The following MCPH1 variants were observed in gnomAD, a reference collection of about 807,000 sequenced individuals.
MCPH1 encodes microcephalin.
In MCPH1, 104 loss-of-function variants were observed where a neutral mutation model predicts 84.5. The observed-to-expected ratio is 1.23, with a 90% CI of 1.05 to 1.45. The LOEUF is 1.45. Among genes scored for constraint, MCPH1 ranks in the 40% most tolerant of loss-of-function variants. The probability of loss-of-function intolerance (pLI) is 0.00; values close to 1 mark genes in which losing one functional copy is unlikely to be tolerated. For missense variants in MCPH1, 1,498 were observed against 1,005.7 expected, an observed-to-expected ratio of 1.49 and a Z score of -6.62; for synonymous variants, 514 against 366.8, an observed-to-expected ratio of 1.40 and a Z score of -4.58.
chr8:6,624,760 C>G lies in MCPH1; in HGVS notation c.2452+3069C>G, dbSNP rs369065605. The G allele has an allele frequency of 9.4e-6, 9 of 953,944 alleles. No individual in the cohort carries two copies. The South Asian group carries it at 3.4e-4, about 36-fold the overall frequency. 59.1% of individuals were successfully genotyped at this position (953,944 alleles called of 1,614,324 possible). On this transcript the variant is annotated intron_variant, in intron 13 of 13. Transcript: ENST00000344683. ...TACAAATAAAGGAAGGTTTATTTTT[C>G]TGTCCATACATACACACGTAAACCT...
chr8:6,447,031 G>T (rs1320322391), intron 8 of MCPH1: 1 of 984,978 alleles, frequency 1.0e-6, no homozygotes. Flanking sequence ...GGGCCCGGGT[G>T]CAAGAAAACA....
At chr8:6,477,858 C>T (rs1210853715) in intron 10 of MCPH1, among the ~76,000 whole-genome samples, 2 of 152,204 alleles carry the variant, frequency 1.3e-5, no homozygotes, top group East Asian at 3.8e-4. Context: ...GAGGTGTGTG[C>T]TCGTTTTGGT....
chr8:6,442,849 C>T (rs772390621), intron 7 of MCPH1, among the ~76,000 whole-genome samples: 5 of 152,196 alleles, frequency 3.3e-5, no homozygotes, highest in Non-Finnish European at 5.9e-5. Context: ...AATGACAAAG[C>T]GCAAGATGGC....
At chr8:6,521,054 G>C in intron 12 of MCPH1, 1 of 667,730 alleles carries the variant, frequency 1.5e-6, no homozygotes, top group East Asian at 2.7e-5. Context: ...TTAATTGGTA[G>C]ATATTTCATA....
chr8:6,636,749 C>T (rs899835064), intron 13 of MCPH1, among the ~76,000 whole-genome samples: 1 of 152,190 alleles, frequency 6.6e-6, no homozygotes, highest in Non-Finnish European at 1.5e-5. Flanking sequence ...GTTTTAGACT[C>T]TGGTCCTATC....
chr8:6,482,636 G>T (rs1809383351), intron 11 of MCPH1, among the ~76,000 whole-genome samples: 1 of 152,230 alleles, frequency 6.6e-6, no homozygotes, highest in African/African-American at 2.4e-5. Flanking sequence ...ATAGAGGTCA[G>T]ACGTGAGAAC....
intron 13 of MCPH1, among the ~76,000 whole-genome samples, chr8:6,622,660 G>C (rs575507597): frequency 2.0e-5 from 3 of 152,300 alleles, no homozygotes; most frequent in African/African-American, 7.2e-5. Flanking sequence ...TATCGGCAGC[G>C]TTGGTTTCCC....
chr8:6,456,339 C>T (rs544564937), intron 9 of MCPH1, among the ~76,000 whole-genome samples: 40 of 152,294 alleles, frequency 2.6e-4, no homozygotes, highest in African/African-American at 7.7e-4. Context: ...CTGCTCAGCG[C>T]GCTGCCTCCC....
chr8:6,611,208 G>A (rs980024103), intron 12 of MCPH1, among the ~76,000 whole-genome samples: 3 of 152,020 alleles, frequency 2.0e-5, no homozygotes, highest in African/African-American at 7.3e-5. Context: ...CAATTCTGCA[G>A]TTCACTGCAG....
chr8:6,614,085 A>G (rs937215894), intron 12 of MCPH1, among the ~76,000 whole-genome samples: 3 of 152,136 alleles, frequency 2.0e-5, no homozygotes, highest in Non-Finnish European at 2.9e-5. Flanking sequence ...TGCAGGCCAC[A>G]TTGTCACGTG....
chr8:6,579,911 G>T (rs572784273), intron 12 of MCPH1, among the ~76,000 whole-genome samples: 6 of 152,174 alleles, frequency 3.9e-5, no homozygotes, highest in African/African-American at 9.7e-5. Flanking sequence ...GCCTGGCGAG[G>T]TGTTACTTTG....
At chr8:6,522,982 C>G (rs1368834132) in intron 12 of MCPH1, among the ~76,000 whole-genome samples, 1 of 151,806 alleles carries the variant, frequency 6.6e-6, no homozygotes, top group Admixed American at 6.6e-5. Flanking sequence ...ATATGTGAGC[C>G]AAGCCCTTGA....
Position 6,438,996 on chromosome 8 carries a change from A to C in MCPH1, c.480A>C (p.Leu160Phe). ...TCTTATTTGAATCTAATGGTTCATT[A>C]ATATATACTCCCACAATTGAAATTA... ...PILLFESNGS[L>F]IYTPTIEINS... Residue 160 changes from leucine to phenylalanine, a missense_variant, in exon 6 of 14, where the codon TTA becomes TTC. Leu to Phe is a conservative substitution (Grantham distance 22, BLOSUM62 0). Transcript: ENST00000344683. The C allele has an allele frequency of 6.2e-7, 1 of 1,610,540 alleles. No homozygotes were observed. The highest frequency in any genetic ancestry group is 1.7e-5 in the Admixed American group (1 of 60,016).
chr8:6,628,869 G>A (rs1284493944), intron 13 of MCPH1, among the ~76,000 whole-genome samples: 1 of 152,218 alleles, frequency 6.6e-6, no homozygotes, highest in Non-Finnish European at 1.5e-5. Context: ...CTTACTGACC[G>A]ACTTAATTCA....
intron 12 of MCPH1, among the ~76,000 whole-genome samples, chr8:6,575,345 G>T (rs767242939): frequency 6.6e-6 from 1 of 152,206 alleles, no homozygotes; most frequent in Non-Finnish European, 1.5e-5. Context: ...CAGCAAAGCA[G>T]CTCCATTATG....
At chr8:6,410,680 G>C (rs560991225) in intron 2 of MCPH1, among the ~76,000 whole-genome samples, 3 of 152,164 alleles carry the variant, frequency 2.0e-5, no homozygotes, top group African/African-American at 4.8e-5. Flanking sequence ...GGGAAGCCCA[G>C]CTAGGAGGCA....
At chr8:6,508,945 T>G (rs975259468) in intron 12 of MCPH1, 6 of 1,614,150 alleles carry the variant, frequency 3.7e-6, no homozygotes, top group Non-Finnish European at 5.1e-6. Flanking sequence ...CTGTTAGCAT[T>G]TGTGAACATT....
At chr8:6,412,930 C>T (rs1798742935) in intron 2 of MCPH1, among the ~76,000 whole-genome samples, 1 of 152,184 alleles carries the variant, frequency 6.6e-6, no homozygotes, top group African/African-American at 2.4e-5. Flanking sequence ...CAACGCTTTG[C>T]AGTACATTTC....
chr8:6,531,780 C>G (rs1023300095), intron 12 of MCPH1, among the ~76,000 whole-genome samples: 5 of 124,682 alleles, frequency 4.0e-5, no homozygotes, highest in African/African-American at 1.2e-4. Context: ...CATGGCAGCG[C>G]TCAGGGCTCT....
Sources: gnomAD v4.1 joint callset for allele counts (sites outside exome capture counted in the v4.1 genomes callset) on GRCh38, gnomAD v4.1.1 for gene constraint, MANE v1.5 for transcripts, NCBI Gene and HGNC (gene_info 2026-07-23, HGNC 2026-07-21) for gene names.